The following CDC27 variants were observed in gnomAD, a reference collection of about 807,000 sequenced individuals.
The protein encoded by CDC27 is cell division cycle 27, also known as cell division cycle protein 27 homolog.
A neutral mutation model predicts 109.7 loss-of-function variants in CDC27; 27 were observed. That is an observed-to-expected ratio of 0.25 (90% CI 0.18 to 0.34). CDC27 has a LOEUF of 0.34. Ranked by LOEUF, CDC27 falls within the 10% of genes least tolerant of loss-of-function variation. The probability of loss-of-function intolerance (pLI) is 1.00; values close to 1 mark genes in which losing one functional copy is unlikely to be tolerated. For synonymous variants in CDC27, 266 were observed against 333.9 expected, an observed-to-expected ratio of 0.80 and a Z score of 2.22; for missense variants, 579 against 960.2, an observed-to-expected ratio of 0.60 and a Z score of 5.25.
At chr17:47,158,397 G>T in intron 4 of CDC27, 94 bp from the exon 5 acceptor site, 1 of 484,168 alleles carries the variant, frequency 2.1e-6, no homozygotes. Context: ...AGTTACAGAA[G>T]TTCAGAGAGC....
intron 2 of CDC27, among the ~76,000 whole-genome samples, chr17:47,174,356 C>G (rs560397041): frequency 6.6e-6 from 1 of 152,272 alleles, no homozygotes; most frequent in Admixed American, 6.5e-5. Context: ...GTCTGAAATG[C>G]CATGTTCAGA....
At position 47,157,022 on chromosome 17, in the gene CDC27, C is replaced by T. The variant is rs763768990; in HGVS notation, c.733G>A (p.Val245Ile). 5.1e-6 allele frequency: 8 copies of T among 1,567,818 alleles called. No homozygotes were observed. The highest frequency in any genetic ancestry group is 7.0e-6 in the Non-Finnish European group (8 of 1,142,104). The change falls in exon 7 of 19, where the codon GTC (valine) becomes ATC (isoleucine). Residue 245 changes from valine (V) to isoleucine (I), a missense_variant. Coordinates refer to ENST00000066544, the MANE Select transcript of CDC27 (RefSeq NM_001256.6). ...ATGGAAGTTCCTGTTCCCAGTGGGA[C>T]AGTATCAGGTGAAATTACAGCTGAA... ...IDSAVISPDT[V>I]PLGTGTSILS...
At chr17:47,143,307 C>T (rs1219162573) in intron 10 of CDC27, among the ~76,000 whole-genome samples, 2 of 152,140 alleles carry the variant, frequency 1.3e-5, no homozygotes, top group African/African-American at 2.4e-5. Context: ...TAATTTTAGA[C>T]TCACTCTTCT....
Position 47,144,000 on chromosome 17 carries a change from A to G in CDC27, c.1071-18T>C, listed in dbSNP as rs2062877839. The G allele has an allele frequency of 8.8e-7, 1 of 1,142,274 alleles. No homozygotes were observed. The highest frequency in any genetic ancestry group is 1.2e-6 in the Non-Finnish European group (1 of 842,012). The allele number at this position is 1,142,274 out of a possible 1,614,324, so 70.8% of individuals were successfully genotyped here. On this transcript the variant is annotated intron_variant, in intron 9 of 18. Coordinates refer to ENST00000066544, the MANE Select transcript of CDC27 (RefSeq NM_001256.6). ...GTGTTGTACTAAAAAAAAATTATAA[A>G]GGAAGACATTAATATTTTACTTGAT...
Position 47,122,507 on chromosome 17 carries a change from C to T in CDC27, c.2329G>A (p.Glu777Lys). The T allele has an allele frequency of 6.2e-7, 1 of 1,611,288 alleles. No individual in the cohort carries two copies. Among genetic ancestry groups the T allele is most frequent in the Non-Finnish European group, 8.5e-7 (1 of 1,178,284 alleles). Reference protein sequence around the residue: ...DPKGANNQIKEAIDKRYLPDD... With the variant: ...DPKGANNQIKKAIDKRYLPDD... ...GGAAGATAACGCTTATCAATTGCCT[C>T]TTTAATCTGGTTATTGGCTCCTTTA... The change falls in exon 18 of 19, where the codon GAG becomes AAG. Residue 777 changes from glutamate to lysine, a missense_variant. Glu to Lys is a moderately conservative substitution (Grantham distance 56). Transcript: ENST00000066544.
intron 2 of CDC27, among the ~76,000 whole-genome samples, chr17:47,176,880 T>C (rs1171599072): frequency 6.6e-6 from 1 of 152,244 alleles, no homozygotes; most frequent in Non-Finnish European, 1.5e-5. Flanking sequence ...TTCTGGATAT[T>C]CTTTAATACT....
At chr17:47,132,913 A>G (rs2062397032) in intron 14 of CDC27, among the ~76,000 whole-genome samples, 3 of 140,616 alleles carry the variant, frequency 2.1e-5, no homozygotes, top group Admixed American at 1.5e-4. Flanking sequence ...AGCTGCAACT[A>G]CAGGTGCACG....
intron 2 of CDC27, chr17:47,181,355 C>A (rs899131528): frequency 1.3e-5 from 3 of 236,062 alleles, no homozygotes; most frequent in Non-Finnish European, 2.3e-5. Flanking sequence ...TAAATCATAG[C>A]ATATAAACCT....
chr17:47,174,610 T>G (rs2063924101), intron 2 of CDC27, among the ~76,000 whole-genome samples: 1 of 152,048 alleles, frequency 6.6e-6, no homozygotes, highest in Admixed American at 6.6e-5. Flanking sequence ...ACTAGTTAAA[T>G]TATGCTATGT....
At chr17:47,176,510 G>A (rs1194957974) in intron 2 of CDC27, among the ~76,000 whole-genome samples, 1 of 152,126 alleles carries the variant, frequency 6.6e-6, no homozygotes, top group East Asian at 1.9e-4. Context: ...AATAAAAGAG[G>A]GCTGGAAGAA....
intron 8 of CDC27, among the ~76,000 whole-genome samples, chr17:47,152,328 A>T (rs1329588595): frequency 6.6e-6 from 1 of 152,182 alleles, no homozygotes; most frequent in Non-Finnish European, 1.5e-5. Context: ...AAAAATAATA[A>T]TACGATAAGA....
At chr17:47,178,032 T>C (rs1192848673) in intron 2 of CDC27, among the ~76,000 whole-genome samples, 1 of 152,148 alleles carries the variant, frequency 6.6e-6, no homozygotes, top group Non-Finnish European at 1.5e-5. Context: ...GATCAGGTAT[T>C]GGTGGTGGGA....
At chr17:47,151,662 AAGTT>A (rs1256833702) in intron 9 of CDC27, 140 bp downstream of exon 9, 27 of 539,896 alleles carry the variant, frequency 5.0e-5, no homozygotes, top group African/African-American at 4.8e-4. Flanking sequence ...TTAGTGTTGT[AAGTT>A]AGAGGTTTCA....
chr17:47,122,623 C>T, intron 17 of CDC27, 23 bp from the exon 18 acceptor site: 5 of 1,531,060 alleles, frequency 3.3e-6, no homozygotes, highest in Middle Eastern at 1.8e-4. Context: ...AGCAGCACTA[C>T]ATTTTTCATT....
chr17:47,175,037 GAGAGGAAGGAAGGA>G (rs1466531343), intron 2 of CDC27, among the ~76,000 whole-genome samples: 9 of 137,032 alleles, frequency 6.6e-5, no homozygotes, highest in East Asian at 6.4e-4. Flanking sequence ...GAAAGAGAGA[GAGAGGAAGGAAGGA>G]AGGAAGGAAG....
chr17:47,124,391 C>A (rs2062073623), intron 16 of CDC27, among the ~76,000 whole-genome samples: 5 of 152,146 alleles, frequency 3.3e-5, no homozygotes, highest in Admixed American at 2.6e-4. Context: ...TCAAGCAATT[C>A]TCCTGCCTCA....
rs62077266 is a variant in CDC27, at chr17:47,171,950, T to C, written c.218A>G (p.Tyr73Cys). The part of the protein sequence containing the change: ...GHSCTTPQCK[Y>C]LLAKCCVDLS... Reference sequence around the variant, plus strand: ...ATCAACACAACATTTTGCAAGCAGGTATTTGCATTGCGGTGTAGTACAACT... The same window carrying C: ...ATCAACACAACATTTTGCAAGCAGGCATTTGCATTGCGGTGTAGTACAACT... Residue 73 changes from tyrosine to cysteine, a missense_variant, in exon 3 of 19, where the codon TAC becomes TGC. Physicochemically the swap from Tyr to Cys is radical, Grantham distance 194. This residue lies in a region of CDC27 where 44 missense variants were observed against 102.2 expected (regional missense o/e 0.43). Coordinates refer to ENST00000066544, the MANE Select transcript of CDC27 (RefSeq NM_001256.6). 6.3e-7 allele frequency: 1 copy of C among 1,594,674 alleles called. No homozygotes were observed. Among genetic ancestry groups the C allele is most frequent in the Non-Finnish European group, 8.5e-7 (1 of 1,172,706 alleles).
At chr17:47,139,151 T>C (rs1002345726) in intron 12 of CDC27, among the ~76,000 whole-genome samples, 1 of 152,166 alleles carries the variant, frequency 6.6e-6, no homozygotes, top group Non-Finnish European at 1.5e-5. Context: ...AATTTGAGTT[T>C]CTACCAAAAA....
intron 16 of CDC27, among the ~76,000 whole-genome samples, chr17:47,125,235 CTTTTTTTTT>C (rs58631604): frequency 2.3e-4 from 11 of 48,018 alleles, no homozygotes; most frequent in South Asian, 9.2e-4. Flanking sequence ...TTAAAGAAAT[CTTTTTTTTT>C]TTTTTTTTTT....
Sources: allele counts gnomAD v4.1 joint callset (sites outside exome capture counted in the v4.1 genomes callset), GRCh38; gene constraint gnomAD v4.1.1; regional missense constraint gnomAD v4.1.1; transcripts MANE v1.5; gene names NCBI Gene and HGNC (gene_info 2026-07-23, HGNC 2026-07-21).